The following GNB1 variants were observed in gnomAD, a reference collection of about 807,000 sequenced individuals.
GNB1 encodes guanine nucleotide-binding protein G(I)/G(S)/G(T) subunit beta-1.
Under a neutral mutation model 42.9 loss-of-function variants are expected in GNB1, and 2 were observed. That is an observed-to-expected ratio of 0.05 (90% confidence interval 0.02 to 0.15). The LOEUF (loss-of-function observed/expected upper bound fraction) is 0.15. Ranked by LOEUF, GNB1 falls within the 10% of genes least tolerant of loss-of-function variation. The pLI is 1.00. For synonymous variants in GNB1, 183 were observed against 174.7 expected, an observed-to-expected ratio of 1.05 and a Z score of -0.38; for missense variants, 193 against 462.2, an observed-to-expected ratio of 0.42 and a Z score of 5.34.
At chr1:1,809,441 G>A (rs896333409) in intron 5 of GNB1, among the ~76,000 whole-genome samples, 13 of 152,228 alleles carry the variant, frequency 8.5e-5, no homozygotes, top group African/African-American at 3.1e-4. Context: ...GTAAGCCACC[G>A]CACCCAGCCT....
At chr1:1,834,545 T>C (rs1349564982) in intron 2 of GNB1, among the ~76,000 whole-genome samples, 1 of 152,098 alleles carries the variant, frequency 6.6e-6, no homozygotes, top group Admixed American at 6.6e-5. Flanking sequence ...AAACTTTATA[T>C]GTAACTGATG....
intron 1 of GNB1, among the ~76,000 whole-genome samples, chr1:1,852,709 C>T (rs1648060670): frequency 6.6e-6 from 1 of 151,660 alleles, no homozygotes; most frequent in Admixed American, 6.6e-5. Flanking sequence ...AAGTGAATGT[C>T]TTGTGTGCCT....
At chr1:1,871,421 C>T (rs1649241077) in intron 1 of GNB1, among the ~76,000 whole-genome samples, 1 of 152,110 alleles carries the variant, frequency 6.6e-6, no homozygotes, top group Non-Finnish European at 1.5e-5. Flanking sequence ...GATCGCGCTA[C>T]TGCACTCCAG....
At chr1:1,844,404 AAG>A (rs1408009502) in intron 1 of GNB1, among the ~76,000 whole-genome samples, 1 of 151,264 alleles carries the variant, frequency 6.6e-6, no homozygotes, top group Non-Finnish European at 1.5e-5. Flanking sequence ...AAAAAAAAAA[AAG>A]AAAAAGATGG....
chr1:1,834,429 C>T (rs1440972022), intron 2 of GNB1, among the ~76,000 whole-genome samples: 1 of 152,124 alleles, frequency 6.6e-6, no homozygotes, highest in African/African-American at 2.4e-5. Context: ...TAGGGCGGAG[C>T]ACAAAATCTA....
At chr1:1,807,776 C>G (rs890960271) in intron 5 of GNB1, among the ~76,000 whole-genome samples, 1 of 151,518 alleles carries the variant, frequency 6.6e-6, no homozygotes, top group Admixed American at 6.6e-5. Context: ...GGCGCCATCT[C>G]GGCTCACTGC....
At chr1:1,805,549 T>C (rs976411327) in intron 6 of GNB1, among the ~76,000 whole-genome samples, 1 of 151,918 alleles carries the variant, frequency 6.6e-6, no homozygotes, top group African/African-American at 2.4e-5. Context: ...AACAAAAAAT[T>C]TTTTTTTCGA....
At chr1:1,888,336 G>C (rs1650267866) in intron 1 of GNB1, among the ~76,000 whole-genome samples, 2 of 146,854 alleles carry the variant, frequency 1.4e-5, no homozygotes, top group Non-Finnish European at 3.0e-5. Flanking sequence ...AGGCACCTCA[G>C]AACTTAACTG....
chr1:1,883,275 T>TC (rs1023209583), intron 1 of GNB1, among the ~76,000 whole-genome samples: 4 of 93,990 alleles, frequency 4.3e-5, no homozygotes, highest in South Asian at 6.5e-4. Context: ...CAAAACCCTG[T>TC]CCCAAAAAAA....
At chr1:1,890,615 A>G (rs1042600221) in intron 1 of GNB1, among the ~76,000 whole-genome samples, 2 of 147,486 alleles carry the variant, frequency 1.4e-5, no homozygotes, top group African/African-American at 4.9e-5. Flanking sequence ...TCCTCTCCCT[A>G]GACCCCGCCC....
intron 1 of GNB1, among the ~76,000 whole-genome samples, chr1:1,859,126 A>G (rs138636968): frequency 8.1e-4 from 123 of 152,046 alleles, no homozygotes; most frequent in African/African-American, 2.9e-3. Context: ...GGTTCAATCA[A>G]TTCTCCTGTC....
intron 5 of GNB1, among the ~76,000 whole-genome samples, chr1:1,808,268 G>T (rs995844535): frequency 2.6e-5 from 4 of 152,086 alleles, no homozygotes; most frequent in African/African-American, 9.7e-5. Flanking sequence ...GCCTCCCAAC[G>T]TTTTGGTATT....
At chr1:1,858,248 C>A (rs990950900) in intron 1 of GNB1, among the ~76,000 whole-genome samples, 7 of 152,356 alleles carry the variant, frequency 4.6e-5, no homozygotes, top group African/African-American at 1.4e-4. Context: ...CCAATAAAGG[C>A]AGTCACTTGT....
chr1:1,848,357 C>CAAAAAAAAAAAAAAAAGA (rs1647790212), intron 1 of GNB1, among the ~76,000 whole-genome samples: 3 of 94,356 alleles, frequency 3.2e-5, no homozygotes, highest in Non-Finnish European at 6.4e-5. Flanking sequence ...CCAGCCCAGG[C>CAAAAAAAAAAAAAAAAGA]AAAAAAAAAA....
intron 5 of GNB1, among the ~76,000 whole-genome samples, chr1:1,807,287 C>T (rs540902751): frequency 1.3e-5 from 2 of 151,564 alleles, no homozygotes; most frequent in South Asian, 4.2e-4. Flanking sequence ...ATGGTAAAAT[C>T]CCGTCTCCAC....
intron 1 of GNB1, among the ~76,000 whole-genome samples, chr1:1,859,794 A>C (rs1312719724): frequency 6.6e-6 from 1 of 151,496 alleles, no homozygotes; most frequent in Non-Finnish European, 1.5e-5. Context: ...GCAAATCAGG[A>C]GGTCAGGAGA....
chr1:1,843,345 G>C (rs531206749), intron 1 of GNB1, among the ~76,000 whole-genome samples: 2 of 152,198 alleles, frequency 1.3e-5, no homozygotes, highest in East Asian at 1.9e-4. Context: ...TCAGCCTCCT[G>C]AGTAGCTGGG....
At chr1:1,855,038 A>T (rs185946465) in intron 1 of GNB1, among the ~76,000 whole-genome samples, 135 of 152,284 alleles carry the variant, frequency 8.9e-4, no homozygotes, top group African/African-American at 3.0e-3. Context: ...AGTCACCTGT[A>T]ATCCCAGCTA....
At chr1:1,890,428 C>A (rs1650425156) in intron 1 of GNB1, 3 of 150,280 alleles carry the variant, frequency 2.0e-5, no homozygotes. Context: ...GCCCGCCCGG[C>A]CTTTGTTCTC....
Sources: allele counts gnomAD v4.1 joint callset (sites outside exome capture counted in the v4.1 genomes callset), GRCh38; gene constraint gnomAD v4.1.1; transcripts MANE v1.5; gene names NCBI Gene and HGNC (gene_info 2026-07-23, HGNC 2026-07-21).